The following PTPRK variants were observed in gnomAD, a reference collection of about 807,000 sequenced individuals.
PTPRK encodes protein tyrosine phosphatase receptor type K, also known as receptor-type tyrosine-protein phosphatase kappa.
In PTPRK, 75 loss-of-function variants were observed where a neutral mutation model predicts 178.0. The observed-to-expected ratio is 0.42, with a 90% CI of 0.35 to 0.51. PTPRK has a LOEUF of 0.51. Ranked by LOEUF, PTPRK falls within the 20% of genes least tolerant of loss-of-function variation. The pLI is 0.02. For synonymous variants in PTPRK, 637 were observed against 620.6 expected (o/e 1.03, Z -0.39); for missense variants, 1,441 against 1,797.8 (o/e 0.80, Z 3.59).
chr6:128,400,066 GTA>G (rs1443296143), intron 1 of PTPRK, among the ~76,000 whole-genome samples: 1 of 152,124 alleles, frequency 6.6e-6, no homozygotes. Flanking sequence ...GGCAAATACA[GTA>G]TACTGGAGTA....
chr6:128,074,486 T>C (rs895793811), intron 11 of PTPRK, among the ~76,000 whole-genome samples: 1 of 152,010 alleles, frequency 6.6e-6, no homozygotes, highest in Non-Finnish European at 1.5e-5. Context: ...AAGAAACCTT[T>C]TAGAAAGAAA....
intron 13 of PTPRK, among the ~76,000 whole-genome samples, chr6:128,056,403 C>T (rs372916196): frequency 1.3e-5 from 2 of 151,834 alleles, no homozygotes; most frequent in African/African-American, 2.4e-5. Flanking sequence ...TTTATCCATA[C>T]CTGAACATAC....
intron 15 of PTPRK, chr6:127,999,861 A>G (rs976564414): frequency 4.6e-6 from 3 of 656,946 alleles, no homozygotes; most frequent in African/African-American, 4.0e-5. Context: ...TAAAAAGTCA[A>G]CTGAATCCCT....
chr6:127,984,199 G>T (rs916137950), intron 22 of PTPRK, among the ~76,000 whole-genome samples: 1 of 152,054 alleles, frequency 6.6e-6, no homozygotes, highest in Non-Finnish European at 1.5e-5. Context: ...AAGGGTGATT[G>T]GCATATGCGT....
At chr6:128,421,676 C>G (rs1372586484) in intron 1 of PTPRK, among the ~76,000 whole-genome samples, 1 of 152,098 alleles carries the variant, frequency 6.6e-6, no homozygotes, top group Non-Finnish European at 1.5e-5. Flanking sequence ...ACAATATACC[C>G]AAAATGTACT....
intron 8 of PTPRK, among the ~76,000 whole-genome samples, chr6:128,085,846 T>C (rs1016367468): frequency 2.0e-5 from 3 of 152,172 alleles, no homozygotes; most frequent in African/African-American, 7.2e-5. Flanking sequence ...TGGATGATCA[T>C]AGATGAGAGA....
chr6:128,142,997 T>C (rs1795993520), intron 7 of PTPRK, among the ~76,000 whole-genome samples: 1 of 152,142 alleles, frequency 6.6e-6, no homozygotes, highest in Non-Finnish European at 1.5e-5. Context: ...ATTTCTCAAA[T>C]ACTCTTCAAA....
intron 7 of PTPRK, among the ~76,000 whole-genome samples, chr6:128,125,459 C>G (rs1583120446): frequency 6.6e-6 from 1 of 152,038 alleles, no homozygotes; most frequent in African/African-American, 2.4e-5. Context: ...GAGGCCTCCC[C>G]AAAAGCAGAA....
At chr6:128,294,924 C>G (rs555386869) in intron 3 of PTPRK, among the ~76,000 whole-genome samples, 1 of 129,202 alleles carries the variant, frequency 7.7e-6, no homozygotes, top group South Asian at 2.7e-4. Flanking sequence ...AAAAAGAAAC[C>G]ATAGACTTTG....
chr6:128,322,358 G>A, intron 2 of PTPRK, 48 bp from the exon 3 acceptor site: 1 of 1,477,930 alleles, frequency 6.8e-7, no homozygotes, highest in East Asian at 2.3e-5. Context: ...TATAAGCAAA[G>A]GGAACATATA....
intron 2 of PTPRK, among the ~76,000 whole-genome samples, chr6:128,345,571 A>G (rs1832318729): frequency 6.6e-6 from 1 of 152,234 alleles, no homozygotes; most frequent in Non-Finnish European, 1.5e-5. Context: ...ATTTGAGAAA[A>G]GCCCAACATC....
chr6:128,381,268 ACT>A, intron 2 of PTPRK, among the ~76,000 whole-genome samples: 1 of 152,172 alleles, frequency 6.6e-6, no homozygotes, highest in African/African-American at 2.4e-5. Flanking sequence ...CAGTCTTAAG[ACT>A]TGAGAAATAA....
At position 128,253,631 on chromosome 6, in the gene PTPRK, G is replaced by A. The variant is rs796163937; in HGVS notation, c.496-11029C>T. Among the ~76,000 whole-genome samples, 26 of 152,296 alleles carry A rather than the reference G, an allele frequency of 1.7e-4. 1 individual carries two copies. The highest frequency in any genetic ancestry group is 6.3e-4 in the African/African-American group (26 of 41,572). On this transcript the variant is annotated intron_variant, in intron 3 of 29. Transcript: ENST00000368226. ...AACCTTTTAAATTTCAGCACCAACA[G>A]TCCAATCTTACACATAGCAGAAGTA... is the stretch of plus-strand genomic sequence containing the variant.
At chr6:128,289,368 C>T (rs546690676) in intron 3 of PTPRK, among the ~76,000 whole-genome samples, 8 of 152,170 alleles carry the variant, frequency 5.3e-5, no homozygotes, top group Admixed American at 2.6e-4. Context: ...GTTATATGTG[C>T]TATTCTTCAA....
In PTPRK at chr6:128,311,081, A is replaced by G. The variant is rs970365188; in HGVS notation, c.495+10958T>C. Among the ~76,000 whole-genome samples, 5 of 152,332 alleles carry G rather than the reference A, an allele frequency of 3.3e-5. No individual in the cohort carries two copies. In the East Asian group the frequency reaches 9.6e-4, roughly 29 times the overall value. On this transcript the variant is annotated intron_variant, in intron 3 of 29. Transcript: ENST00000368226. ...ATTCTGTTGACAAAAGAATATTTGA[A>G]TAGACTTTTAAAAAATATGAGTTTG... is the stretch of plus-strand genomic sequence containing the variant.
At chr6:128,145,682 A>ACT (rs151311473) in intron 7 of PTPRK, among the ~76,000 whole-genome samples, 14,215 of 152,152 alleles carry the variant, frequency 0.093, 1,142 homozygotes, top group African/African-American at 0.21. Context: ...AAAAAAGATT[A>ACT]CTTACTAAAA....
intron 3 of PTPRK, chr6:128,321,195 T>C (rs1336531550): frequency 6.6e-6 from 1 of 152,298 alleles, no homozygotes; most frequent in East Asian, 1.9e-4. Flanking sequence ...AAATGTATTC[T>C]CTTTAGGCTT....
intron 3 of PTPRK, among the ~76,000 whole-genome samples, chr6:128,283,099 C>G (rs957083313): frequency 6.6e-6 from 1 of 152,180 alleles, no homozygotes; most frequent in Non-Finnish European, 1.5e-5. Context: ...GTCCTGATTT[C>G]TCCAGGAAGG....
chr6:128,409,545 A>G (rs1410845379), intron 1 of PTPRK, among the ~76,000 whole-genome samples: 2 of 152,212 alleles, frequency 1.3e-5, no homozygotes, highest in Admixed American at 6.5e-5. Context: ...ATTTTTACTC[A>G]TAGCCTGGCA....
Sources: gnomAD v4.1 joint callset for allele counts (sites outside exome capture counted in the v4.1 genomes callset) on GRCh38, gnomAD v4.1.1 for gene constraint, MANE v1.5 for transcripts, NCBI Gene and HGNC (gene_info 2026-07-23, HGNC 2026-07-21) for gene names.